NCR1: variants seen among roughly 807,000 people sequenced by gnomAD.
NCR1 encodes the protein natural cytotoxicity triggering receptor 1.
NCR1 carries 30 observed loss-of-function variants against 32.5 expected under a neutral mutation model. The observed-to-expected ratio is 0.92, with a 90% CI of 0.69 to 1.25. The LOEUF (loss-of-function observed/expected upper bound fraction) is 1.25. NCR1 is among the 50% of genes most tolerant of loss of function. The pLI is 0.00. For missense variants in NCR1, 369 were observed against 380.7 expected, an observed-to-expected ratio of 0.97 and a Z score of 0.26; for synonymous variants, 169 against 143.4, an observed-to-expected ratio of 1.18 and a Z score of -1.28.
chr19:54,925,954 C>A, the NCR1 span, among the ~76,000 whole-genome samples: 1 of 151,226 alleles, frequency 6.6e-6, no homozygotes, highest in Non-Finnish European at 1.5e-5. Flanking sequence ...GAGCCGAGAT[C>A]GCACCGCTTC....
chr19:54,925,409 G>A, the NCR1 span, among the ~76,000 whole-genome samples: 4 of 152,116 alleles, frequency 2.6e-5, no homozygotes, highest in African/African-American at 4.8e-5. Flanking sequence ...ACCTTGAGCA[G>A]GATATAAATA....
chr19:54,923,711 G>T, the NCR1 span: 1 of 1,611,736 alleles, frequency 6.2e-7, no homozygotes, highest in African/African-American at 1.3e-5. Context: ...CCCGCTTCCT[G>T]TGTAATTCGT....
chr19:54,937,970 A>G, the NCR1 span: 1 of 1,211,814 alleles, frequency 8.3e-7, no homozygotes, highest in African/African-American at 1.5e-5. Context: ...GCACATTTCC[A>G]AATTTAAAAA....
At chr19:54,919,252 G>A (rs2068193632), downstream of NCR1, among the ~76,000 whole-genome samples, 1 of 152,142 alleles carries the variant, frequency 6.6e-6, no homozygotes, top group Non-Finnish European at 1.5e-5. Context: ...TGGGCCCGGG[G>A]GACCACTACC....
At chr19:54,903,178 C>T (rs1420138721), upstream of NCR1, among the ~76,000 whole-genome samples, 2 of 151,430 alleles carry the variant, frequency 1.3e-5, no homozygotes, top group Non-Finnish European at 2.9e-5. Flanking sequence ...CAAGAAGATA[C>T]AACTAGTCTT....
At chr19:54,903,625 C>A (rs376826678), upstream of NCR1, among the ~76,000 whole-genome samples, 3 of 140,020 alleles carry the variant, frequency 2.1e-5, no homozygotes, top group Admixed American at 1.5e-4. Flanking sequence ...TATACATGTA[C>A]GGTACTATGC....
chr19:54,916,454 G>A (rs184365818), downstream of NCR1, among the ~76,000 whole-genome samples: 444 of 151,060 alleles, frequency 2.9e-3, no homozygotes, highest in Middle Eastern at 6.9e-3. Flanking sequence ...GAGTAGCTGG[G>A]ACTACAAGTG....
chr19:54,923,709 C>T, the NCR1 span: 1 of 1,611,738 alleles, frequency 6.2e-7, no homozygotes, highest in Non-Finnish European at 8.5e-7. Context: ...ATCCCGCTTC[C>T]TGTGTAATTC....
At chr19:54,935,206 G>A in the NCR1 span, among the ~76,000 whole-genome samples, 1 of 143,204 alleles carries the variant, frequency 7.0e-6, no homozygotes. Flanking sequence ...AAAACGGCCT[G>A]TGTGGATGAT....
intron 3 of NCR1, among the ~76,000 whole-genome samples, chr19:54,908,063 A>G (rs1285829200): frequency 6.6e-6 from 1 of 151,924 alleles, no homozygotes; most frequent in Non-Finnish European, 1.5e-5. Context: ...TCATAGGACA[A>G]TAGTGGAGAG....
the NCR1 span, chr19:54,934,538 A>G: frequency 4.3e-6 from 7 of 1,614,152 alleles, no homozygotes; most frequent in South Asian, 6.6e-5. This position sits in a 1 kb window ranked among gnomAD's most constrained non-coding sequence, Gnocchi z 6.7. Flanking sequence ...TTGTACAGCA[A>G]CATGGCACCC....
chr19:54,906,830 G>A (rs1338144398), intron 3 of NCR1, 23 bp downstream of exon 3: 1 of 1,611,564 alleles, frequency 6.2e-7, no homozygotes, highest in Admixed American at 1.7e-5. Context: ...TTCTCTAACT[G>A]GAGAGTGATC....
chr19:54,933,685 C>A, the NCR1 span: 14 of 1,613,976 alleles, frequency 8.7e-6, no homozygotes, highest in Middle Eastern at 1.6e-4. Flanking sequence ...TGCTGACAAC[C>A]AAGACAGCAG....
chr19:54,903,516 A>C (rs587761098), upstream of NCR1, among the ~76,000 whole-genome samples: 1 of 131,154 alleles, frequency 7.6e-6, no homozygotes, highest in African/African-American at 2.8e-5. Flanking sequence ...ACACGCATAC[A>C]TGTGTGTATA....
chr19:54,899,842 C>T, the NCR1 span, among the ~76,000 whole-genome samples: 1 of 152,084 alleles, frequency 6.6e-6, no homozygotes, highest in African/African-American at 2.4e-5. Context: ...GATTAAACAC[C>T]AAGGGAAGGC....
chr19:54,916,306 TG>T (rs904413472), downstream of NCR1, among the ~76,000 whole-genome samples: 8 of 145,764 alleles, frequency 5.5e-5, no homozygotes, highest in African/African-American at 2.0e-4. Context: ...ATCTTATAAC[TG>T]AATATTGTGC....
downstream of NCR1, among the ~76,000 whole-genome samples, chr19:54,919,244 G>T (rs687182): frequency 2.0e-5 from 3 of 151,548 alleles, no homozygotes; most frequent in South Asian, 6.2e-4. Context: ...AAGGCAGCTG[G>T]GCCCGGGGGA....
chr19:54,935,864 G>C, the NCR1 span, among the ~76,000 whole-genome samples: 1 of 152,068 alleles, frequency 6.6e-6, no homozygotes, highest in Non-Finnish European at 1.5e-5. Context: ...TCCTGTGCCT[G>C]ATCTGAGATC....
chr19:54,936,351 G>T, the NCR1 span: 1 of 1,614,030 alleles, frequency 6.2e-7, no homozygotes. Context: ...CCCTGCCAGG[G>T]TCAGGTGCGT....
Sources: gnomAD v4.1 joint callset for allele counts (sites outside exome capture counted in the v4.1 genomes callset) on GRCh38, gnomAD v4.1.1 for gene constraint, Gnocchi (gnomAD v3.1) non-coding constraint, MANE v1.5 for transcripts, NCBI Gene and HGNC (gene_info 2026-07-23, HGNC 2026-07-21) for gene names.